Variants in ZFYVE9 observed in about 807,000 individuals in gnomAD.
ZFYVE9 encodes the protein zinc finger FYVE domain-containing protein 9.
In ZFYVE9, 43 loss-of-function variants were observed where a neutral mutation model predicts 126.7. That is an observed-to-expected ratio of 0.34 (90% confidence interval 0.27 to 0.44). The LOEUF is 0.44. Among genes scored for constraint, ZFYVE9 ranks in the 20% least tolerant of loss-of-function variants. The probability of loss-of-function intolerance (pLI) is 1.00; values close to 1 mark genes in which losing one functional copy is unlikely to be tolerated. For synonymous variants in ZFYVE9, 521 were observed against 597.4 expected (o/e 0.87, Z 1.87); for missense variants, 1,476 against 1,697.0 (o/e 0.87, Z 2.29).
At chr1:52,233,793 TGTTG>T (rs1205416723) in intron 3 of ZFYVE9, among the ~76,000 whole-genome samples, 5 of 152,186 alleles carry the variant, frequency 3.3e-5, no homozygotes, top group African/African-American at 1.2e-4. Flanking sequence ...TTTGTTTGTT[TGTTG>T]GTTGGTTGGT....
At chr1:52,191,176 G>C (rs1430242643) in intron 1 of ZFYVE9, among the ~76,000 whole-genome samples, 1 of 152,142 alleles carries the variant, frequency 6.6e-6, no homozygotes, top group Non-Finnish European at 1.5e-5. Flanking sequence ...CTGGACTCAA[G>C]CAGTCCACCT....
At chr1:52,159,181 C>T (rs1486486221) in intron 1 of ZFYVE9, among the ~76,000 whole-genome samples, 1 of 152,200 alleles carries the variant, frequency 6.6e-6, no homozygotes, top group African/African-American at 2.4e-5. Context: ...TCCCAAGTCA[C>T]AACTTGCGTG....
At chr1:52,340,609 A>G (rs1415273895) in intron 17 of ZFYVE9, among the ~76,000 whole-genome samples, 1 of 152,204 alleles carries the variant, frequency 6.6e-6, no homozygotes, top group African/African-American at 2.4e-5. Context: ...TTCACTAATA[A>G]GAAAACTAGG....
intron 10 of ZFYVE9, among the ~76,000 whole-genome samples, chr1:52,288,780 G>T (rs1462759103): frequency 3.3e-5 from 5 of 152,114 alleles, no homozygotes; most frequent in African/African-American, 1.2e-4. Context: ...ACAAAAATTA[G>T]CTAGGCATGG....
At chr1:52,212,304 C>G (rs1218646015) in intron 1 of ZFYVE9, among the ~76,000 whole-genome samples, 1 of 152,142 alleles carries the variant, frequency 6.6e-6, no homozygotes, top group Non-Finnish European at 1.5e-5. Flanking sequence ...GCCACTATGC[C>G]TGGCTAATTT....
intron 13 of ZFYVE9, among the ~76,000 whole-genome samples, chr1:52,309,719 G>A (rs146187917): frequency 6.6e-6 from 1 of 152,210 alleles, no homozygotes; most frequent in East Asian, 1.9e-4. Context: ...AATTTATAAA[G>A]AGCTTTTATA....
At chr1:52,279,077 G>A (rs1645777158) in intron 9 of ZFYVE9, among the ~76,000 whole-genome samples, 1 of 151,874 alleles carries the variant, frequency 6.6e-6, no homozygotes, top group African/African-American at 2.4e-5. Flanking sequence ...TGAAAAAGTT[G>A]GTTTTTATAA....
In ZFYVE9 at chr1:52,313,053, C is replaced by T. The variant is rs191690422; in HGVS notation, c.3438+9128C>T. 6.5e-3 allele frequency among the ~76,000 whole-genome samples: 985 copies of T among 152,246 alleles called. 9 individuals are homozygous for T. The highest frequency in any genetic ancestry group is 0.022 in the African/African-American group (910 of 41,532). ...GTGAAGAGACATAGGGAGAAGATGG[C>T]CAACTACAAGCCAAGGATAGAGGCC... is the stretch of plus-strand genomic sequence containing the variant. On this transcript the variant is annotated intron_variant, in intron 13 of 18. Coordinates refer to ENST00000287727, the MANE Select transcript of ZFYVE9 (RefSeq NM_004799.4).
At chr1:52,321,683 C>T (rs1277719740) in intron 13 of ZFYVE9, among the ~76,000 whole-genome samples, 1 of 152,094 alleles carries the variant, frequency 6.6e-6, no homozygotes, top group Non-Finnish European at 1.5e-5. Flanking sequence ...TCCCTGTCTC[C>T]CAGAACTCAC....
intron 13 of ZFYVE9, among the ~76,000 whole-genome samples, chr1:52,320,030 A>G (rs67721232): frequency 0.94 from 136,277 of 145,332 alleles, 63,943 homozygotes; most frequent in East Asian, 1. Flanking sequence ...AAAAAAAAAA[A>G]AGAGAAAAAG....
At chr1:52,204,082 CTTT>C (rs769536877) in intron 1 of ZFYVE9, among the ~76,000 whole-genome samples, 1 of 143,844 alleles carries the variant, frequency 7.0e-6, no homozygotes. Context: ...TCTCCTCAAA[CTTT>C]TTTTTTTTTT....
At chr1:52,220,905 G>A (rs993939597) in intron 2 of ZFYVE9, among the ~76,000 whole-genome samples, 4 of 152,150 alleles carry the variant, frequency 2.6e-5, no homozygotes, top group Admixed American at 6.5e-5. Flanking sequence ...TTATTTCCCT[G>A]GCTTTCAAAA....
chr1:52,254,124 T>C, intron 4 of ZFYVE9: 5 of 747,832 alleles, frequency 6.7e-6, no homozygotes, highest in East Asian at 2.6e-5. Flanking sequence ...GAGAGCGCCA[T>C]TGGTAAATTT....
At chr1:52,344,375 C>T (rs1277615734) in intron 17 of ZFYVE9, among the ~76,000 whole-genome samples, 3 of 152,218 alleles carry the variant, frequency 2.0e-5, no homozygotes, top group Admixed American at 6.5e-5. Context: ...AGCTGGGTCA[C>T]GTCAGCTATA....
At chr1:52,323,524 C>G (rs745573517) in intron 13 of ZFYVE9, among the ~76,000 whole-genome samples, 28 of 152,220 alleles carry the variant, frequency 1.8e-4, no homozygotes, top group Non-Finnish European at 3.7e-4. Flanking sequence ...GTATTAGATA[C>G]TCAATGCCCA....
At chr1:52,152,928 A>T (rs182895847) in intron 1 of ZFYVE9, among the ~76,000 whole-genome samples, 156 of 152,346 alleles carry the variant, frequency 1.0e-3, no homozygotes, top group African/African-American at 3.7e-3. Context: ...AGAAAGCAGA[A>T]TTGCCTAGGG....
At chr1:52,340,320 A>C in intron 17 of ZFYVE9, 89 bp downstream of exon 17, 1 of 921,592 alleles carries the variant, frequency 1.1e-6, no homozygotes, top group Non-Finnish European at 1.7e-6. Context: ...ACTTTGTAGG[A>C]TAAGAAAAAA....
chr1:52,234,237 A>G (rs928208978), intron 3 of ZFYVE9, among the ~76,000 whole-genome samples: 1 of 152,208 alleles, frequency 6.6e-6, no homozygotes, highest in East Asian at 1.9e-4. Context: ...ACAAAGTGGT[A>G]TATTTCCATC....
rs200017699 is a variant in ZFYVE9 at position 52,201,760 on chromosome 1, TA to T, written c.-142-14599del. On this transcript the variant is annotated intron_variant, in intron 1 of 18. Coordinates refer to ENST00000287727, the MANE Select transcript of ZFYVE9 (RefSeq NM_004799.4). ...GACCATTGACCTTCAAAGCAATTTT[TA>T]AAAAAAAAATTATTTTATGTATTTA... Among the ~76,000 whole-genome samples, 243 of 150,336 alleles carry T rather than the reference TA, an allele frequency of 1.6e-3. 2 individuals are homozygous for T. The highest frequency in any genetic ancestry group is 5.7e-3 in the South Asian group (27 of 4,740).
Sources: allele counts gnomAD v4.1 joint callset (sites outside exome capture counted in the v4.1 genomes callset), GRCh38; gene constraint gnomAD v4.1.1; transcripts MANE v1.5; gene names NCBI Gene and HGNC (gene_info 2026-07-23, HGNC 2026-07-21).